The following AXDND1 variants were observed in gnomAD, a reference collection of about 807,000 sequenced individuals.
AXDND1 encodes axonemal dynein light chain domain containing 1.
In AXDND1, 110 loss-of-function variants were observed where a neutral mutation model predicts 137.5. The observed-to-expected ratio is 0.80, with a 90% CI of 0.69 to 0.94. The LOEUF is 0.94. Ranked by LOEUF, AXDND1 falls within the 40% of genes least tolerant of loss-of-function variation. The pLI, the probability that AXDND1 is intolerant of heterozygous loss-of-function variation, is 0.00. For missense variants in AXDND1, 1,191 were observed against 1,169.8 expected, an observed-to-expected ratio of 1.02 and a Z score of -0.26; for synonymous variants, 414 against 399.7, an observed-to-expected ratio of 1.04 and a Z score of -0.43.
chr1:179,481,563 C>G (rs911983147), intron 17 of AXDND1, among the ~76,000 whole-genome samples: 18 of 152,200 alleles, frequency 1.2e-4, no homozygotes, highest in South Asian at 2.1e-4. Flanking sequence ...TCACCACACT[C>G]TTTTCCACAA....
chr1:179,522,657 T>A (rs1670172466), intron 21 of AXDND1, among the ~76,000 whole-genome samples: 1 of 151,806 alleles, frequency 6.6e-6, no homozygotes, highest in African/African-American at 2.4e-5. Flanking sequence ...TATTATCTCA[T>A]TTATATTAAA....
chr1:179,521,085 C>T (rs1335002930), intron 21 of AXDND1, among the ~76,000 whole-genome samples: 2 of 152,038 alleles, frequency 1.3e-5, no homozygotes, highest in East Asian at 1.9e-4. Flanking sequence ...CCTCAGCCTC[C>T]GGACTATGTG....
At chr1:179,406,133 T>C (rs182777447) in intron 11 of AXDND1, among the ~76,000 whole-genome samples, 133 of 152,250 alleles carry the variant, frequency 8.7e-4, no homozygotes, top group Non-Finnish European at 1.5e-3. Flanking sequence ...TTCAGGAGCA[T>C]GTTGTTTAAC....
chr1:179,406,111 A>T (rs1179954962), intron 11 of AXDND1, among the ~76,000 whole-genome samples: 1 of 152,112 alleles, frequency 6.6e-6, no homozygotes, highest in Non-Finnish European at 1.5e-5. Context: ...GTATTTACTG[A>T]CCCAGTGATC....
intron 16 of AXDND1, among the ~76,000 whole-genome samples, chr1:179,460,206 C>T (rs34657197): frequency 0.17 from 25,343 of 151,550 alleles, 2,475 homozygotes; most frequent in East Asian, 0.35. Flanking sequence ...CCCCACCCCA[C>T]GACAGGCCTC....
chr1:179,417,739 A>G (rs534374158), intron 12 of AXDND1, among the ~76,000 whole-genome samples: 1 of 152,024 alleles, frequency 6.6e-6, no homozygotes, highest in African/African-American at 2.4e-5. Context: ...TAAAAAAAAA[A>G]TTCTGTGAAG....
At chr1:179,514,025 C>G (rs538990700) in intron 21 of AXDND1, among the ~76,000 whole-genome samples, 1 of 152,050 alleles carries the variant, frequency 6.6e-6, no homozygotes, top group East Asian at 1.9e-4. Context: ...CTTTTTGTTT[C>G]ATTTATCTTT....
chr1:179,522,133 T>C (rs1670118240), intron 21 of AXDND1, among the ~76,000 whole-genome samples: 1 of 152,170 alleles, frequency 6.6e-6, no homozygotes, highest in Non-Finnish European at 1.5e-5. Context: ...AATGAATGTG[T>C]GTTGGAATCA....
intron 2 of AXDND1, among the ~76,000 whole-genome samples, chr1:179,367,292 C>G (rs1002584941): frequency 1.3e-5 from 2 of 151,930 alleles, no homozygotes; most frequent in Non-Finnish European, 2.9e-5. Context: ...CTGAGGCTGG[C>G]GGATCACGAG....
At chr1:179,461,998 C>T (rs1223121449) in intron 16 of AXDND1, among the ~76,000 whole-genome samples, 1 of 152,142 alleles carries the variant, frequency 6.6e-6, no homozygotes, top group African/African-American at 2.4e-5. Context: ...CAAACAGGGA[C>T]AATTTGACTT....
At chr1:179,389,913 G>T (rs188109697) in intron 9 of AXDND1, among the ~76,000 whole-genome samples, 1 of 152,096 alleles carries the variant, frequency 6.6e-6, no homozygotes, top group Admixed American at 6.5e-5. Flanking sequence ...TTAAAGCAAG[G>T]GCTGGATAAT....
chr1:179,477,305 CAT>C (rs60869473), intron 17 of AXDND1, among the ~76,000 whole-genome samples: 69,098 of 151,568 alleles, frequency 0.46, 16,613 homozygotes, highest in East Asian at 0.76. Context: ...CATGAACTAA[CAT>C]GTGTTAGTTC....
intron 16 of AXDND1, chr1:179,451,280 A>T (rs907418538): frequency 6.6e-6 from 1 of 151,132 alleles, no homozygotes; most frequent in Non-Finnish European, 1.5e-5. Context: ...AGGTCTATCT[A>T]TATTGTCTTT....
intron 18 of AXDND1, among the ~76,000 whole-genome samples, chr1:179,488,636 TTTCTTTC>T (rs781108250): frequency 0.11 from 4,923 of 45,616 alleles, 525 homozygotes; most frequent in South Asian, 0.14. Context: ...CTCTCTCTCC[TTTCTTTC>T]TTTCTTTCTT....
At chr1:179,511,338 T>C (rs201418068) in intron 21 of AXDND1, among the ~76,000 whole-genome samples, 12 of 150,230 alleles carry the variant, frequency 8.0e-5, no homozygotes, top group South Asian at 2.1e-4. Context: ...TATATATATA[T>C]ACACACACTA....
chr1:179,416,978 C>T (rs901920035), intron 12 of AXDND1, among the ~76,000 whole-genome samples: 1 of 152,194 alleles, frequency 6.6e-6, no homozygotes, highest in Non-Finnish European at 1.5e-5. Flanking sequence ...GTTCTCCTTT[C>T]TCCACATCTT....
At chr1:179,497,168 G>C (rs906505254) in intron 20 of AXDND1, among the ~76,000 whole-genome samples, 2 of 152,046 alleles carry the variant, frequency 1.3e-5, no homozygotes, top group Non-Finnish European at 2.9e-5. Context: ...TTCTGTTATT[G>C]ATGGAGTTCA....
chr1:179,456,027 C>A, intron 16 of AXDND1: 1 of 373,436 alleles, frequency 2.7e-6, no homozygotes. Flanking sequence ...ACTAAAATAA[C>A]CTGTTATAGA....
intron 21 of AXDND1, among the ~76,000 whole-genome samples, chr1:179,509,846 AT>A (rs1668866399): frequency 6.6e-6 from 1 of 152,132 alleles, no homozygotes; most frequent in African/African-American, 2.4e-5. Context: ...TCTAAAAGCA[AT>A]CTAAAACATG....
Sources: gnomAD v4.1 joint callset for allele counts (sites outside exome capture counted in the v4.1 genomes callset) on GRCh38, gnomAD v4.1.1 for gene constraint, MANE v1.5 for transcripts, NCBI Gene and HGNC (gene_info 2026-07-23, HGNC 2026-07-21) for gene names.